The following SYN3 variants were observed in gnomAD, a reference collection of about 807,000 sequenced individuals.
SYN3 encodes synapsin III.
In SYN3, 35 loss-of-function variants were observed where a neutral mutation model predicts 65.8. The ratio of observed to expected loss-of-function variants is 0.53; its 90% CI spans 0.41 to 0.70. The LOEUF (loss-of-function observed/expected upper bound fraction) is 0.70, where lower values mean the gene tolerates loss of function less well. Among genes scored for constraint, SYN3 ranks in the 30% least tolerant of loss-of-function variants. SYN3 has a pLI of 0.00. For missense variants in SYN3, 680 were observed against 749.0 expected (o/e 0.91, Z 1.08); for synonymous variants, 270 against 292.9 (o/e 0.92, Z 0.80).
At chr22:33,037,823 G>C (rs1240744261) in intron 1 of SYN3, among the ~76,000 whole-genome samples, 1 of 152,134 alleles carries the variant, frequency 6.6e-6, no homozygotes, top group Non-Finnish European at 1.5e-5. Context: ...TGCACCTCCA[G>C]CTCTAGCAAG....
intron 6 of SYN3, among the ~76,000 whole-genome samples, chr22:32,614,557 A>C (rs1480308211): frequency 6.6e-6 from 1 of 152,122 alleles, no homozygotes; most frequent in Non-Finnish European, 1.5e-5. Flanking sequence ...AGTGGTGGGG[A>C]GGTGGGGACT....
intron 6 of SYN3, among the ~76,000 whole-genome samples, chr22:32,741,999 C>T (rs1379058974): frequency 3.3e-5 from 5 of 151,512 alleles, no homozygotes; most frequent in African/African-American, 9.7e-5. Context: ...CCTGGCCGGG[C>T]GCGGTGGCTC....
chr22:32,669,874 G>T (rs1419425541), intron 6 of SYN3, among the ~76,000 whole-genome samples: 1 of 152,098 alleles, frequency 6.6e-6, no homozygotes, highest in Non-Finnish European at 1.5e-5. Context: ...AATGCAAATT[G>T]GATGGCAGGA....
At chr22:33,030,480 T>G (rs755363711) in intron 1 of SYN3, among the ~76,000 whole-genome samples, 32 of 146,930 alleles carry the variant, frequency 2.2e-4, no homozygotes, top group Admixed American at 4.0e-4. Flanking sequence ...GAGAGACAGA[T>G]ATAGAGAGAC....
intron 6 of SYN3, among the ~76,000 whole-genome samples, chr22:32,619,519 T>C (rs1335923423): frequency 6.6e-6 from 1 of 152,190 alleles, no homozygotes; most frequent in African/African-American, 2.4e-5. Flanking sequence ...GACAAACCCA[T>C]TTGAAATACT....
chr22:32,735,848 T>G (rs1282876079), intron 6 of SYN3, among the ~76,000 whole-genome samples: 1 of 152,144 alleles, frequency 6.6e-6, no homozygotes, highest in African/African-American at 2.4e-5. Context: ...TGCACCCTTA[T>G]GTTGGTTTGC....
chr22:32,732,715 C>T (rs1013001111), intron 6 of SYN3, among the ~76,000 whole-genome samples: 4 of 152,166 alleles, frequency 2.6e-5, no homozygotes, highest in African/African-American at 7.2e-5. Context: ...CAGGTGAGCC[C>T]AGTCACTAAA....
chr22:32,642,777 C>T (rs538845683), intron 6 of SYN3, among the ~76,000 whole-genome samples: 5 of 152,124 alleles, frequency 3.3e-5, no homozygotes, highest in Middle Eastern at 3.4e-3. Flanking sequence ...CAGGCTGTCT[C>T]GAACTCCTAA....
At chr22:33,040,517 TAAGTTTAACC>T (rs2053944781) in intron 1 of SYN3, among the ~76,000 whole-genome samples, 1 of 152,180 alleles carries the variant, frequency 6.6e-6, no homozygotes, top group South Asian at 2.1e-4. Context: ...TTTTCAAACG[TAAGTTTAACC>T]ACATCATTCC....
chr22:32,781,349 C>T (rs1302284973), intron 6 of SYN3, among the ~76,000 whole-genome samples: 3 of 152,024 alleles, frequency 2.0e-5, no homozygotes, highest in Non-Finnish European at 4.4e-5. Flanking sequence ...CAATAAATCC[C>T]TGAGAGCCTG....
chr22:32,593,504 T>C (rs568162391), intron 7 of SYN3, among the ~76,000 whole-genome samples: 2 of 152,076 alleles, frequency 1.3e-5, no homozygotes, highest in East Asian at 3.9e-4. Context: ...TGGAGACCAT[T>C]TGGACATGGA....
intron 7 of SYN3, among the ~76,000 whole-genome samples, chr22:32,564,880 C>A (rs1194067395): frequency 6.6e-6 from 1 of 151,140 alleles, no homozygotes; most frequent in Admixed American, 6.6e-5. Context: ...TAACAGCGCT[C>A]CCGGACTGCA....
chr22:32,970,488 A>G (rs1464994632), intron 3 of SYN3, among the ~76,000 whole-genome samples: 1 of 151,688 alleles, frequency 6.6e-6, no homozygotes, highest in African/African-American at 2.4e-5. Context: ...TTTGGAAAAA[A>G]AAAAAAAAAG....
chr22:32,682,086 G>T (rs1054226572), intron 6 of SYN3, among the ~76,000 whole-genome samples: 74 of 81,836 alleles, frequency 9.0e-4, no homozygotes, highest in African/African-American at 2.3e-3. Context: ...AGGGGTTGCA[G>T]AGGGTGGAGA....
At chr22:32,992,954 A>C (rs980431429) in intron 2 of SYN3, among the ~76,000 whole-genome samples, 1 of 152,082 alleles carries the variant, frequency 6.6e-6, no homozygotes, top group Non-Finnish European at 1.5e-5. Context: ...TTCTATTTGC[A>C]TTTGCATTGA....
chr22:32,661,735 G>C (rs1340141112), intron 6 of SYN3, among the ~76,000 whole-genome samples: 1 of 152,118 alleles, frequency 6.6e-6, no homozygotes, highest in East Asian at 1.9e-4. Context: ...CATCCTCAAA[G>C]AGCATCTGGA....
intron 7 of SYN3, among the ~76,000 whole-genome samples, chr22:32,590,294 A>G (rs1323368518): frequency 6.6e-6 from 1 of 152,260 alleles, no homozygotes; most frequent in East Asian, 1.9e-4. Context: ...AAATGGAACT[A>G]TAGAAATAGG....
intron 6 of SYN3, chr22:32,857,172 AC>A: frequency 1.8e-6 from 2 of 1,096,530 alleles, no homozygotes; most frequent in Non-Finnish European, 2.8e-6. Flanking sequence ...TTGGATACAT[AC>A]CCAGCAGTGG....
chr22:32,976,379 C>A (rs763566237), intron 3 of SYN3, among the ~76,000 whole-genome samples: 1 of 152,150 alleles, frequency 6.6e-6, no homozygotes, highest in Non-Finnish European at 1.5e-5. Flanking sequence ...TCTGTCAACA[C>A]GGAGGAAAGA....
Sources: gnomAD v4.1 joint callset for allele counts (sites outside exome capture counted in the v4.1 genomes callset) on GRCh38, gnomAD v4.1.1 for gene constraint, MANE v1.5 for transcripts, NCBI Gene and HGNC (gene_info 2026-07-23, HGNC 2026-07-21) for gene names.